Variants in RPS6KC1 observed in about 807,000 individuals in gnomAD.
RPS6KC1 encodes the protein inactive ribosomal protein S6 kinase delta-1.
RPS6KC1 carries 54 observed loss-of-function variants against 103.8 expected under a neutral mutation model. That is an observed-to-expected ratio of 0.52 (90% CI 0.42 to 0.65). The LOEUF (loss-of-function observed/expected upper bound fraction) is 0.65, where lower values mean the gene tolerates loss of function less well. Among genes scored for constraint, RPS6KC1 ranks in the 30% least tolerant of loss-of-function variants. The pLI, the probability that RPS6KC1 is intolerant of heterozygous loss-of-function variation, is 0.00. For synonymous variants in RPS6KC1, 439 were observed against 438.7 expected (o/e 1.00, Z -0.01); for missense variants, 1,151 against 1,253.8 (o/e 0.92, Z 1.24).
intron 8 of RPS6KC1, chr1:213,205,464 C>T (rs780299804): frequency 7.0e-5 from 51 of 726,780 alleles, no homozygotes; most frequent in South Asian, 1.9e-4. Context: ...GCTTTAAGAA[C>T]GACCAAGAAC....
At chr1:213,680,561 T>C in the RPS6KC1 span, among the ~76,000 whole-genome samples, 8 of 152,220 alleles carry the variant, frequency 5.3e-5, no homozygotes, top group Admixed American at 3.9e-4. Context: ...GCTCACTCTC[T>C]TCATTTTTAA....
At chr1:213,400,652 T>C in the RPS6KC1 span, among the ~76,000 whole-genome samples, 1 of 152,068 alleles carries the variant, frequency 6.6e-6, no homozygotes, top group Non-Finnish European at 1.5e-5. Context: ...CCAAGTTCCC[T>C]GTTGTTCTAT....
chr1:213,495,575 T>TCAAC, the RPS6KC1 span, among the ~76,000 whole-genome samples: 1 of 152,098 alleles, frequency 6.6e-6, no homozygotes, highest in Non-Finnish European at 1.5e-5. Flanking sequence ...CCTGCCTTGG[T>TCAAC]CTCCCAAAGT....
At chr1:213,299,491 G>T in the RPS6KC1 span, among the ~76,000 whole-genome samples, 1 of 145,110 alleles carries the variant, frequency 6.9e-6, no homozygotes, top group Non-Finnish European at 1.5e-5. Context: ...GGCAGAGGTT[G>T]CAGTGAGCCA....
chr1:213,768,058 G>A, the RPS6KC1 span, among the ~76,000 whole-genome samples: 3 of 152,154 alleles, frequency 2.0e-5, no homozygotes, highest in Admixed American at 2.0e-4. Flanking sequence ...CATTAGTGCC[G>A]GGTATTTATC....
intron 5 of RPS6KC1, among the ~76,000 whole-genome samples, chr1:213,118,522 T>A (rs1273755898): frequency 6.6e-6 from 1 of 152,162 alleles, no homozygotes; most frequent in Non-Finnish European, 1.5e-5. Flanking sequence ...GTGTTGTTTT[T>A]GTGAGGGTAT....
the RPS6KC1 span, chr1:213,820,512 AGG>A: frequency 6.6e-6 from 1 of 152,268 alleles, no homozygotes; most frequent in Non-Finnish European, 1.5e-5. Flanking sequence ...GACTACCCAC[AGG>A]CTGGCCTGGG....
At chr1:213,351,235 GAC>G in the RPS6KC1 span, among the ~76,000 whole-genome samples, 1 of 152,258 alleles carries the variant, frequency 6.6e-6, no homozygotes, top group East Asian at 1.9e-4. Flanking sequence ...GATTTTAGTA[GAC>G]ACACAAAATG....
the RPS6KC1 span, among the ~76,000 whole-genome samples, chr1:213,559,879 G>C: frequency 1.3e-4 from 20 of 152,030 alleles, no homozygotes; most frequent in Non-Finnish European, 2.5e-4. Flanking sequence ...AATTATTAAT[G>C]AGATGTTTTA....
the RPS6KC1 span, among the ~76,000 whole-genome samples, chr1:213,624,134 T>C: frequency 6.6e-6 from 1 of 152,088 alleles, no homozygotes; most frequent in African/African-American, 2.4e-5. Context: ...AGGCTGGATA[T>C]AGATGCTGAG....
intron 3 of RPS6KC1, among the ~76,000 whole-genome samples, chr1:213,078,745 A>C (rs2079584378): frequency 6.6e-6 from 1 of 152,204 alleles, no homozygotes; most frequent in Non-Finnish European, 1.5e-5. Context: ...ATTTCTGCAT[A>C]TGTAATTGCA....
the RPS6KC1 span, among the ~76,000 whole-genome samples, chr1:213,343,572 C>T: frequency 6.6e-6 from 1 of 150,966 alleles, no homozygotes; most frequent in African/African-American, 2.4e-5. Flanking sequence ...TGTATGTTCT[C>T]ACTCATAAGT....
chr1:213,761,157 C>G, the RPS6KC1 span, among the ~76,000 whole-genome samples: 3 of 152,000 alleles, frequency 2.0e-5, no homozygotes, highest in South Asian at 2.1e-4. Flanking sequence ...AAGCAAAAAC[C>G]TGGCATCCCG....
chr1:213,410,176 G>T, the RPS6KC1 span, among the ~76,000 whole-genome samples: 1 of 152,140 alleles, frequency 6.6e-6, no homozygotes, highest in African/African-American at 2.4e-5. Flanking sequence ...ACAATGGAGA[G>T]ACTTGAGCAT....
chr1:213,540,668 G>C, the RPS6KC1 span, among the ~76,000 whole-genome samples: 2 of 152,152 alleles, frequency 1.3e-5, no homozygotes, highest in South Asian at 4.1e-4. Context: ...TTAAAAATAA[G>C]AAAACAATGA....
the RPS6KC1 span, among the ~76,000 whole-genome samples, chr1:213,645,429 T>G: frequency 6.6e-6 from 1 of 152,144 alleles, no homozygotes; most frequent in Non-Finnish European, 1.5e-5. Flanking sequence ...ACTAGTTACC[T>G]GTTAGGGCTG....
chr1:213,228,021 T>G (rs1243538083), intron 8 of RPS6KC1, among the ~76,000 whole-genome samples: 1 of 152,178 alleles, frequency 6.6e-6, no homozygotes, highest in Non-Finnish European at 1.5e-5. Flanking sequence ...GGGCCCATTA[T>G]CCTGCCTTTA....
the RPS6KC1 span, among the ~76,000 whole-genome samples, chr1:213,606,639 G>A: frequency 2.6e-5 from 4 of 152,300 alleles, no homozygotes; most frequent in East Asian, 1.9e-4. Flanking sequence ...TCAAGGCAAC[G>A]AGCCAAGCTG....
At chr1:213,504,656 A>G in the RPS6KC1 span, among the ~76,000 whole-genome samples, 1 of 152,198 alleles carries the variant, frequency 6.6e-6, no homozygotes, top group African/African-American at 2.4e-5. Context: ...TGGGTATTAA[A>G]TTCAATTTCC....
Sources: allele counts gnomAD v4.1 joint callset (sites outside exome capture counted in the v4.1 genomes callset), GRCh38; gene constraint gnomAD v4.1.1; transcripts MANE v1.5; gene names NCBI Gene and HGNC (gene_info 2026-07-23, HGNC 2026-07-21).